CTTNBP2: variants seen among roughly 807,000 people sequenced by gnomAD.
The protein encoded by CTTNBP2 is cortactin binding protein 2.
In CTTNBP2, 108 loss-of-function variants were observed where a neutral mutation model predicts 156.9. The ratio of observed to expected loss-of-function variants is 0.69; its 90% CI spans 0.59 to 0.81. The LOEUF is 0.81. Ranked by LOEUF, CTTNBP2 falls within the 30% of genes least tolerant of loss-of-function variation. CTTNBP2 has a pLI of 0.00. For missense variants in CTTNBP2, 1,924 were observed against 2,035.4 expected (o/e 0.95, Z 1.05); for synonymous variants, 767 against 751.8 (o/e 1.02, Z -0.33).
At chr7:117,797,505 G>A (rs765007795) in intron 3 of CTTNBP2, among the ~76,000 whole-genome samples, 9 of 152,034 alleles carry the variant, frequency 5.9e-5, no homozygotes, top group Non-Finnish European at 1.2e-4. Context: ...GATGATCCAC[G>A]CTGGAATTAG....
chr7:117,724,412 G>GA, intron 19 of CTTNBP2, 135 bp downstream of exon 19: 1 of 733,332 alleles, frequency 1.4e-6, no homozygotes. Flanking sequence ...TTTATTCCAT[G>GA]AAAATGTGCA....
intron 8 of CTTNBP2, among the ~76,000 whole-genome samples, chr7:117,773,707 A>ACACACACC (rs1234464093): frequency 2.4e-4 from 31 of 128,952 alleles, no homozygotes; most frequent in Non-Finnish European, 3.6e-4. Context: ...ACACACACAC[A>ACACACACC]CCCCAAAAAA....
intron 2 of CTTNBP2, among the ~76,000 whole-genome samples, chr7:117,814,735 C>A (rs998423732): frequency 1.3e-5 from 2 of 152,182 alleles, no homozygotes; most frequent in African/African-American, 4.8e-5. Context: ...CCTAAAACCA[C>A]CAATTTATTT....
chr7:117,735,453 G>A (rs1405517811), intron 14 of CTTNBP2, 32 bp from the exon 15 acceptor site: 2 of 1,567,588 alleles, frequency 1.3e-6, no homozygotes, highest in Non-Finnish European at 8.6e-7. Flanking sequence ...AGTGATTCAA[G>A]CTTTTGACAA....
In CTTNBP2 at chr7:117,810,960, T is replaced by G; in HGVS notation, c.219A>C (p.Glu73Asp). The G allele has an allele frequency of 6.2e-7, 1 of 1,613,880 alleles. No homozygotes were observed. Among genetic ancestry groups the G allele is most frequent in the Non-Finnish European group, 8.5e-7 (1 of 1,179,882 alleles). Residue 73 changes from glutamate (E) to aspartate (D), a missense_variant, in exon 3 of 23, where the codon GAA becomes GAC. Glu to Asp is a conservative substitution (Grantham distance 45, BLOSUM62 2). Transcript: ENST00000160373. Reference protein sequence around the residue: ...RARRKEVFIQERYGRFNLNDP... With the variant: ...RARRKEVFIQDRYGRFNLNDP... Reference sequence around the variant, plus strand: ...CATTTAGATTAAATCTCCCATACCGTTCCTGGATAAATACCTCCTTCCTGC... The same window carrying G: ...CATTTAGATTAAATCTCCCATACCGGTCCTGGATAAATACCTCCTTCCTGC...
At chr7:117,733,842 T>G (rs1354023818) in intron 16 of CTTNBP2, among the ~76,000 whole-genome samples, 5 of 152,138 alleles carry the variant, frequency 3.3e-5, no homozygotes, top group African/African-American at 1.2e-4. Context: ...GACACAGAAA[T>G]TTGTTCAAGC....
chr7:117,847,710 C>T (rs1443894214), intron 2 of CTTNBP2, among the ~76,000 whole-genome samples: 1 of 151,270 alleles, frequency 6.6e-6, no homozygotes, highest in Non-Finnish European at 1.5e-5. Context: ...CTGACAGTGT[C>T]ATAAGCCAAA....
intron 2 of CTTNBP2, among the ~76,000 whole-genome samples, chr7:117,847,459 C>T (rs1345853413): frequency 6.6e-6 from 1 of 152,140 alleles, no homozygotes; most frequent in African/African-American, 2.4e-5. Flanking sequence ...TTGCTTAAAT[C>T]AGGAGGCAGA....
At chr7:117,813,632 A>G (rs893050124) in intron 2 of CTTNBP2, among the ~76,000 whole-genome samples, 5 of 151,944 alleles carry the variant, frequency 3.3e-5, no homozygotes, top group African/African-American at 1.2e-4. Context: ...CTACAATAAG[A>G]TCTCCGCGTC....
chr7:117,813,657 G>C (rs1381810845), intron 2 of CTTNBP2, among the ~76,000 whole-genome samples: 1 of 151,904 alleles, frequency 6.6e-6, no homozygotes, highest in African/African-American at 2.4e-5. Context: ...TCTCCTTCAC[G>C]TCTGCAGAAT....
At chr7:117,734,263 C>A (rs545489500) in intron 16 of CTTNBP2, among the ~76,000 whole-genome samples, 3 of 152,318 alleles carry the variant, frequency 2.0e-5, no homozygotes, top group African/African-American at 7.2e-5. Context: ...ATACTGTCCT[C>A]CAAATGTGGC....
intron 1 of CTTNBP2, among the ~76,000 whole-genome samples, chr7:117,865,874 TA>T (rs1804158405): frequency 6.7e-6 from 1 of 149,130 alleles, no homozygotes; most frequent in Admixed American, 6.7e-5. Flanking sequence ...AAGTCATATA[TA>T]TTAATTTATT....
chr7:117,802,176 C>G (rs939855039), intron 3 of CTTNBP2, among the ~76,000 whole-genome samples: 1 of 149,452 alleles, frequency 6.7e-6, no homozygotes, highest in Non-Finnish European at 1.5e-5. Flanking sequence ...TTTGTTCTTG[C>G]GATAGTTTAC....
chr7:117,719,469 A>G (rs752869900), intron 21 of CTTNBP2, 35 bp downstream of exon 21: 14 of 1,586,682 alleles, frequency 8.8e-6, no homozygotes, highest in African/African-American at 1.3e-5. Flanking sequence ...GCTGTTGAGT[A>G]GAGCCATTCA....
chr7:117,850,721 T>G (rs892853098), intron 2 of CTTNBP2, among the ~76,000 whole-genome samples: 1 of 152,192 alleles, frequency 6.6e-6, no homozygotes, highest in African/African-American at 2.4e-5. Flanking sequence ...CCCTCCACAG[T>G]GGGTCTAAGA....
At chr7:117,846,017 A>T (rs1802562630) in intron 2 of CTTNBP2, among the ~76,000 whole-genome samples, 1 of 144,790 alleles carries the variant, frequency 6.9e-6, no homozygotes, top group South Asian at 2.4e-4. Context: ...CGCCCGGCTA[A>T]TTTTTTTGTA....
chr7:117,792,582 TTTTTC>T lies in CTTNBP2; in HGVS notation c.609_613del (p.Lys204AspfsTer3). 6.2e-7 allele frequency: 1 copy of T among 1,614,196 alleles called. No homozygotes were observed. Among genetic ancestry groups the T allele is most frequent in the Non-Finnish European group, 8.5e-7 (1 of 1,180,038 alleles). On this transcript the variant is annotated frameshift_variant, in exon 4 of 23. Coordinates refer to ENST00000160373, the MANE Select transcript of CTTNBP2 (RefSeq NM_033427.3). LOFTEE classifies it high-confidence loss of function. This position sits in a 1 kb window ranked among gnomAD's most constrained non-coding sequence, Gnocchi z 4.2. ...GAGTTCCTCTTCTAATTCATTCGTC[TTTTTC>T]TTTTCCTCTTCCAGTTTGGCCATTA...
chr7:117,711,470 G>T lies in CTTNBP2; in HGVS notation c.*67C>A. The T allele has an allele frequency of 6.8e-7, 1 of 1,478,864 alleles. No homozygotes were observed. Among genetic ancestry groups the T allele is most frequent in the Non-Finnish European group, 9.1e-7 (1 of 1,093,982 alleles). 91.6% of individuals were successfully genotyped at this position (1,478,864 alleles called of 1,614,324 possible). A position where few individuals can be genotyped will look rare whatever the true frequency, so the allele number is the denominator to read the frequency against. On this transcript the variant is annotated 3_prime_UTR_variant, in exon 23 of 23. Coordinates refer to ENST00000160373, the MANE Select transcript of CTTNBP2 (RefSeq NM_033427.3). ...ACATTTTATCAATTTAAAGGTATTT[G>T]TATCTTGTTGTCCTTGGTTTCTGTG...
At chr7:117,870,349 G>C (rs1344993610) in intron 1 of CTTNBP2, among the ~76,000 whole-genome samples, 1 of 152,118 alleles carries the variant, frequency 6.6e-6, no homozygotes, top group Non-Finnish European at 1.5e-5. Context: ...CTATAATTTA[G>C]TTTAAAAAAA....
Sources: gnomAD v4.1 joint callset for allele counts (sites outside exome capture counted in the v4.1 genomes callset) on GRCh38, gnomAD v4.1.1 for gene constraint, Gnocchi (gnomAD v3.1) non-coding constraint, MANE v1.5 for transcripts, NCBI Gene and HGNC (gene_info 2026-07-23, HGNC 2026-07-21) for gene names.